CD44: variants seen among roughly 807,000 people sequenced by gnomAD.
CD44 encodes CD44 molecule (IN blood group).
Under a neutral mutation model 88.8 loss-of-function variants are expected in CD44, and 49 were observed. That is an observed-to-expected ratio of 0.55 (90% CI 0.44 to 0.70). The LOEUF is 0.70. Ranked by LOEUF, CD44 falls within the 30% of genes least tolerant of loss-of-function variation. The pLI is 0.00. For missense variants in CD44, 883 were observed against 913.8 expected, an observed-to-expected ratio of 0.97 and a Z score of 0.43; for synonymous variants, 325 against 312.3, an observed-to-expected ratio of 1.04 and a Z score of -0.43.
intron 17 of CD44, among the ~76,000 whole-genome samples, chr11:35,224,752 C>G (rs1300393086): frequency 1.3e-5 from 2 of 151,972 alleles, no homozygotes; most frequent in African/African-American, 2.4e-5. Context: ...AGCAAACAAA[C>G]AAACAAACAA....
rs1423149429 is a variant in CD44, at chr11:35,206,125, T to C, written c.1296T>C (p.His432=). The change falls in exon 11 of 18, where the codon CAT becomes CAC. Residue 432 remains histidine (H), a synonymous_variant. Coordinates refer to ENST00000428726, the MANE Select transcript of CD44 (RefSeq NM_000610.4). ...GCATGGTCACAGCAGCCTCAGCTCA[T>C]ACCAGCCATCCAATGCAAGGAAGGA... ...STTGTAAASA[H]TSHPMQGRTT... is the part of the protein sequence containing the mutation. The C allele has an allele frequency of 4.3e-6, 7 of 1,610,392 alleles. No homozygotes were observed. Among genetic ancestry groups the C allele is most frequent in the Non-Finnish European group, 5.9e-6 (7 of 1,178,370 alleles).
At chr11:35,199,056 G>A (rs1281611181) in intron 7 of CD44, among the ~76,000 whole-genome samples, 1 of 151,746 alleles carries the variant, frequency 6.6e-6, no homozygotes, top group African/African-American at 2.4e-5. Flanking sequence ...AATTATCTTA[G>A]TTAATCAAAG....
intron 6 of CD44, chr11:35,197,076 G>A: frequency 1.8e-6 from 1 of 547,424 alleles, no homozygotes; most frequent in Non-Finnish European, 3.3e-6. Flanking sequence ...TCTAATCTAT[G>A]GATTAGTATA....
chr11:35,182,819 T>G (rs1945286102), intron 3 of CD44, among the ~76,000 whole-genome samples: 1 of 152,226 alleles, frequency 6.6e-6, no homozygotes, highest in African/African-American at 2.4e-5. Flanking sequence ...AGTGAATGTA[T>G]GCAATAAATT....
intron 14 of CD44, among the ~76,000 whole-genome samples, chr11:35,211,882 A>G (rs953186962): frequency 6.6e-6 from 1 of 152,204 alleles, no homozygotes; most frequent in African/African-American, 2.4e-5. Context: ...CCTACAGGTG[A>G]ATAATTTCTA....
chr11:35,208,750 TC>T, intron 12 of CD44, among the ~76,000 whole-genome samples: 1 of 152,318 alleles, frequency 6.6e-6, no homozygotes, highest in Admixed American at 6.5e-5. Flanking sequence ...TCTCTTTCTA[TC>T]ACTAAGAAAT....
chr11:35,156,572 G>A (rs568876315), intron 1 of CD44, among the ~76,000 whole-genome samples: 34 of 152,284 alleles, frequency 2.2e-4, no homozygotes, highest in South Asian at 6.2e-4. Context: ...TAGACTGGCC[G>A]GCTGGTTCCT....
intron 15 of CD44, among the ~76,000 whole-genome samples, chr11:35,218,013 C>G (rs371836724): frequency 2.0e-5 from 3 of 152,046 alleles, no homozygotes; most frequent in Admixed American, 1.3e-4. Flanking sequence ...GTCTCAAAGT[C>G]CTGGACTCAA....
chr11:35,160,417 T>G (rs1358924124), intron 1 of CD44, among the ~76,000 whole-genome samples: 3 of 152,212 alleles, frequency 2.0e-5, no homozygotes, highest in Non-Finnish European at 2.9e-5. Context: ...CAATTGTTTC[T>G]TTTTACTGGC....
In CD44 at chr11:35,204,526, A is replaced by C; in HGVS notation, c.1168A>C (p.Ser390Arg). 1 of 1,613,332 alleles carries C rather than the reference A, an allele frequency of 6.2e-7. No individual in the cohort carries two copies. Among genetic ancestry groups the C allele is most frequent in the Non-Finnish European group, 8.5e-7 (1 of 1,179,396 alleles). Residue 390 changes from serine (S) to arginine (R), a missense_variant, in exon 10 of 18, where the codon AGT (serine) becomes CGT (arginine). Ser to Arg is a moderately radical substitution (Grantham distance 110). Around this residue, in one of 2 missense-constraint regions of CD44, gnomAD observed 631 missense variants for 590.9 expected, o/e 1.07. Coordinates refer to ENST00000428726, the MANE Select transcript of CD44 (RefSeq NM_000610.4). ...TCTTCTCACAGTCCAGGCAACTCCTAGTAGTACAACGGAAGAAACAGCTAC... is the reference window on the plus strand; with the variant it reads ...TCTTCTCACAGTCCAGGCAACTCCTCGTAGTACAACGGAAGAAACAGCTAC... ...HSTSTIQATPSSTTEETATQK... is the reference protein window; with the variant it reads ...HSTSTIQATPRSTTEETATQK...
At chr11:35,215,649 C>T (rs1948771400) in intron 15 of CD44, among the ~76,000 whole-genome samples, 1 of 151,892 alleles carries the variant, frequency 6.6e-6, no homozygotes, top group African/African-American at 2.4e-5. Flanking sequence ...TTTAGGAGGC[C>T]GAGGCAGGTG....
intron 1 of CD44, among the ~76,000 whole-genome samples, chr11:35,161,343 C>T (rs1269549431): frequency 6.6e-6 from 1 of 152,186 alleles, no homozygotes; most frequent in East Asian, 1.9e-4. Flanking sequence ...TAACATCCCA[C>T]AAGAGCTCAA....
intron 15 of CD44, among the ~76,000 whole-genome samples, chr11:35,217,009 C>T (rs938396524): frequency 1.3e-5 from 2 of 152,232 alleles, no homozygotes; most frequent in African/African-American, 4.8e-5. Context: ...CATCTCCCAA[C>T]AGGAATATCA....
chr11:35,191,396 C>A (rs942083952), intron 5 of CD44, among the ~76,000 whole-genome samples: 2 of 152,172 alleles, frequency 1.3e-5, no homozygotes, highest in African/African-American at 2.4e-5. Flanking sequence ...TCAAGCTGCC[C>A]ATACTTTCTT....
At chr11:35,186,438 T>G (rs578081621) in intron 3 of CD44, among the ~76,000 whole-genome samples, 2 of 152,344 alleles carry the variant, frequency 1.3e-5, no homozygotes, top group South Asian at 2.1e-4. Flanking sequence ...TAAATTTTTT[T>G]ACAATGTTCC....
intron 1 of CD44, among the ~76,000 whole-genome samples, chr11:35,146,787 T>C (rs905008557): frequency 7.2e-5 from 11 of 152,238 alleles, no homozygotes; most frequent in Non-Finnish European, 1.6e-4. Context: ...CGATTGTACC[T>C]GGAAGTACTG....
intron 1 of CD44, among the ~76,000 whole-genome samples, chr11:35,151,542 C>A (rs569853065): frequency 1.3e-5 from 2 of 152,338 alleles, no homozygotes; most frequent in South Asian, 4.1e-4. Flanking sequence ...CTAGAGGCTT[C>A]CCAAAATGCT....
At chr11:35,226,880 C>CTTTTTT (rs367551052) in intron 17 of CD44, among the ~76,000 whole-genome samples, 10 of 106,190 alleles carry the variant, frequency 9.4e-5, no homozygotes, top group African/African-American at 2.0e-4. Context: ...TTCTTTTTTC[C>CTTTTTT]TTTTTTTTTT....
intron 16 of CD44, among the ~76,000 whole-genome samples, chr11:35,220,041 A>G (rs868006647): frequency 2.6e-5 from 4 of 152,324 alleles, no homozygotes; most frequent in Admixed American, 6.5e-5. Context: ...AGAATTACTA[A>G]AGGGAAGGGT....
Sources: allele counts gnomAD v4.1 joint callset (sites outside exome capture counted in the v4.1 genomes callset), GRCh38; gene constraint gnomAD v4.1.1; regional missense constraint gnomAD v4.1.1; transcripts MANE v1.5; gene names NCBI Gene and HGNC (gene_info 2026-07-23, HGNC 2026-07-21).